Variants in ANK3 observed in about 807,000 individuals in gnomAD.
The protein encoded by ANK3 is ankyrin 3, also known as ankyrin-3.
ANK3 carries 57 observed loss-of-function variants against 370.9 expected under a neutral mutation model. The ratio of observed to expected loss-of-function variants is 0.15; its 90% CI spans 0.12 to 0.19. The LOEUF (loss-of-function observed/expected upper bound fraction) is 0.19. ANK3 is among the 10% of genes least tolerant of loss of function. ANK3 has a pLI of 1.00. For missense variants in ANK3, 4,439 were observed against 5,302.1 expected, an observed-to-expected ratio of 0.84 and a Z score of 5.06; for synonymous variants, 1,929 against 1,946.3, an observed-to-expected ratio of 0.99 and a Z score of 0.23.
At chr10:60,483,941 A>G (rs1567081075) in intron 2 of ANK3, among the ~76,000 whole-genome samples, 1 of 152,230 alleles carries the variant, frequency 6.6e-6, no homozygotes. Flanking sequence ...CAAAGTGACT[A>G]GTTGACTTGA....
chr10:60,476,359 CAA>C (rs2075065234), intron 2 of ANK3, among the ~76,000 whole-genome samples: 1 of 152,142 alleles, frequency 6.6e-6, no homozygotes, highest in East Asian at 1.9e-4. Context: ...AGAGGATAAA[CAA>C]TAATATAATT....
chr10:60,059,341 T>C lies in ANK3; in HGVS notation c.12685A>G (p.Ser4229Gly). The change falls in exon 41 of 44, where the codon AGC becomes GGC. Residue 4229 changes from serine to glycine, a missense_variant and splice_region_variant. Transcript: ENST00000280772. ...TTCCTTTTTTTGAAACAGCCATACC[T>C]GTCATCCAGTCGATCTAGTAACCCA... ...TGGLLDRLDD[S>G]PDQCRDSITS... 6.2e-7 allele frequency: 1 copy of C among 1,613,756 alleles called. No individual in the cohort carries two copies.
intron 33 of ANK3, among the ~76,000 whole-genome samples, 156 bp from the exon 34 acceptor site, chr10:60,082,893 G>C (rs1201710000): frequency 6.6e-6 from 1 of 152,146 alleles, no homozygotes; most frequent in African/African-American, 2.4e-5. Context: ...CAACCGGGGT[G>C]GTCACATCTG....
chr10:60,030,037 G>T (rs1483817356), intron 43 of ANK3, among the ~76,000 whole-genome samples: 1 of 151,814 alleles, frequency 6.6e-6, no homozygotes, highest in Non-Finnish European at 1.5e-5. Context: ...AGGCCCTAAG[G>T]TGTACTGGAA....
chr10:60,690,509 C>A (rs1481076436), intron 1 of ANK3, among the ~76,000 whole-genome samples: 1 of 151,722 alleles, frequency 6.6e-6, no homozygotes, highest in African/African-American at 2.4e-5. Context: ...TGTTTTTTTC[C>A]CTAAGTTTTA....
intron 4 of ANK3, among the ~76,000 whole-genome samples, chr10:60,277,345 T>C (rs1387253872): frequency 6.6e-6 from 1 of 152,208 alleles, no homozygotes; most frequent in East Asian, 1.9e-4. Context: ...GATTCAGACT[T>C]ACTCTTAAAA....
At chr10:60,081,155 C>T (rs375869637) in intron 35 of ANK3, among the ~76,000 whole-genome samples, 390 of 152,100 alleles carry the variant, frequency 2.6e-3, no homozygotes, top group African/African-American at 8.9e-3. Context: ...TGGTGAGATC[C>T]CGCCTCACTG....
chr10:60,074,539 G>C lies in ANK3; in HGVS notation c.6342C>G (p.Asp2114Glu). The C allele has an allele frequency of 3.1e-6, 5 of 1,613,788 alleles. No homozygotes were observed. The highest frequency in any genetic ancestry group is 4.2e-6 in the Non-Finnish European group (5 of 1,179,920). ...TTTTATCTTGGTCGTGTTGAGAAAAGTCATCAGGAGACTCTAAAATAGTAT... is the reference window on the plus strand; with the variant it reads ...TTTTATCTTGGTCGTGTTGAGAAAACTCATCAGGAGACTCTAAAATAGTAT... ...GTDTILESPDDFSQHDQDKSP... is the reference protein window; with the variant it reads ...GTDTILESPDEFSQHDQDKSP... The change falls in exon 37 of 44, where the codon GAC (aspartate) becomes GAG (glutamate). Residue 2114 changes from aspartate (D) to glutamate (E), a missense_variant. By Grantham distance (45) the Asp-to-Glu change is conservative (BLOSUM62 2). Around this residue, in one of 13 missense-constraint regions of ANK3, gnomAD observed 679 missense variants for 791.0 expected, o/e 0.86. Coordinates refer to ENST00000280772, the MANE Select transcript of ANK3 (RefSeq NM_020987.5).
At chr10:60,564,259 G>A (rs2077407366) in intron 2 of ANK3, among the ~76,000 whole-genome samples, 1 of 152,170 alleles carries the variant, frequency 6.6e-6, no homozygotes, top group African/African-American at 2.4e-5. Flanking sequence ...CAACAATGAT[G>A]TTTAAAGTAA....
chr10:60,583,518 G>T (rs9731229), intron 2 of ANK3, among the ~76,000 whole-genome samples: 46,599 of 104,106 alleles, frequency 0.45, 11,770 homozygotes, highest in South Asian at 0.57. Context: ...TTTGTTTTTT[G>T]TTTTTTGTTT....
In ANK3 at chr10:60,248,386, T is replaced by A. The variant is rs180928234; in HGVS notation, c.798+13473A>T. Among the ~76,000 whole-genome samples, 115 of 152,314 alleles carry A rather than the reference T, an allele frequency of 7.6e-4. 1 individual carries two copies. In the East Asian group the frequency reaches 0.018, roughly 24 times the overall value. On this transcript the variant is annotated intron_variant, in intron 7 of 43. Coordinates refer to ENST00000280772, the MANE Select transcript of ANK3 (RefSeq NM_020987.5). ...TAGCCATTTTAATGAGTATTCCATA[T>A]ATGCTTTTTAAATATATATTTTTTC... is the stretch of plus-strand genomic sequence containing the variant.
chr10:60,581,210 A>T (rs1385432569), intron 2 of ANK3, among the ~76,000 whole-genome samples: 2 of 152,128 alleles, frequency 1.3e-5, no homozygotes, highest in African/African-American at 4.8e-5. Context: ...CTGTCTAAAA[A>T]CTGAAGCCCC....
chr10:60,087,396 G>T (rs1227255409), intron 29 of ANK3, among the ~76,000 whole-genome samples: 1 of 152,108 alleles, frequency 6.6e-6, no homozygotes, highest in Non-Finnish European at 1.5e-5. Context: ...AAAATAACTT[G>T]GTATGGGAGG....
rs149753568 is a variant in ANK3 at position 60,497,094 on chromosome 10, G to A, written c.96+118092C>T. ...AGATAGGAGGGTCACTTGAGCCCAG[G>A]AGTTTGAGACCAGCCTGGGCAACAT... is the stretch of plus-strand genomic sequence containing the variant. On this transcript the variant is annotated intron_variant, in intron 2 of 43. Transcript: ENST00000373827. Among the ~76,000 whole-genome samples, 702 of 152,258 alleles carry A rather than the reference G, an allele frequency of 4.6e-3. 8 individuals carry two copies. The highest frequency in any genetic ancestry group is 0.016 in the African/African-American group (677 of 41,542).
intron 2 of ANK3, among the ~76,000 whole-genome samples, chr10:60,597,393 A>G (rs1170237696): frequency 6.6e-6 from 1 of 152,214 alleles, no homozygotes; most frequent in Non-Finnish European, 1.5e-5. Flanking sequence ...TCAAATATAC[A>G]TTAGTAACCT....
rs114345963 is a variant in ANK3 at position 60,104,251 on chromosome 10, T to A, written c.3328+1654A>T. Among the ~76,000 whole-genome samples, 460 of 148,578 alleles carry A rather than the reference T, an allele frequency of 3.1e-3. 4 individuals carry two copies. The highest frequency in any genetic ancestry group is 0.011 in the African/African-American group (438 of 40,542). On this transcript the variant is annotated intron_variant, in intron 28 of 43. Coordinates refer to ENST00000280772, the MANE Select transcript of ANK3 (RefSeq NM_020987.5). ...GGCACTCAATCTCTCTGAGCCTTAG[T>A]TTAGGCTGAGGGAGGAGAATTGCTT...
chr10:60,391,331 A>G (rs564075929), upstream of ANK3, among the ~76,000 whole-genome samples: 2 of 152,320 alleles, frequency 1.3e-5, no homozygotes, highest in South Asian at 2.1e-4. Context: ...TCCATTGCCT[A>G]TGAAACCATA....
At chr10:60,581,761 T>C (rs2077757613) in intron 2 of ANK3, among the ~76,000 whole-genome samples, 1 of 151,980 alleles carries the variant, frequency 6.6e-6, no homozygotes, top group Admixed American at 6.6e-5. Context: ...TTTAATCAGG[T>C]TATTTGCTTT....
intron 41 of ANK3, 41 bp downstream of exon 41, chr10:60,059,299 A>G (rs936874133): frequency 4.6e-5 from 69 of 1,515,284 alleles, no homozygotes; most frequent in Non-Finnish European, 6.1e-5. Flanking sequence ...ACTATTAACA[A>G]GTAACCTGTG....
Sources: gnomAD v4.1 joint callset for allele counts (sites outside exome capture counted in the v4.1 genomes callset) on GRCh38, gnomAD v4.1.1 for gene constraint, gnomAD v4.1.1 regional missense constraint, MANE v1.5 for transcripts, NCBI Gene and HGNC (gene_info 2026-07-23, HGNC 2026-07-21) for gene names.